The following NFIA variants were observed in gnomAD, a reference collection of about 807,000 sequenced individuals.
The protein encoded by NFIA is nuclear factor 1 A-type.
NFIA carries 8 observed loss-of-function variants against 62.8 expected under a neutral mutation model. The observed-to-expected ratio is 0.13, with a 90% CI of 0.07 to 0.23. The LOEUF is 0.23. Among genes scored for constraint, NFIA ranks in the 10% least tolerant of loss-of-function variants. The pLI is 1.00. For missense variants in NFIA, 410 were observed against 642.1 expected (o/e 0.64, Z 3.91); for synonymous variants, 235 against 238.1 (o/e 0.99, Z 0.12).
chr1:61,342,117 A>G (rs77103803), intron 4 of NFIA, among the ~76,000 whole-genome samples: 6,311 of 152,248 alleles, frequency 0.041, 439 homozygotes, highest in African/African-American at 0.14. Context: ...TAATATGAGT[A>G]CATGTTAATA....
intron 2 of NFIA, among the ~76,000 whole-genome samples, chr1:61,260,486 C>T (rs1656694661): frequency 6.6e-6 from 1 of 152,192 alleles, no homozygotes; most frequent in South Asian, 2.1e-4. Flanking sequence ...CTAGCACTCA[C>T]AGTAGTGCTT....
At chr1:61,252,745 A>G (rs1438858408) in intron 2 of NFIA, among the ~76,000 whole-genome samples, 1 of 152,234 alleles carries the variant, frequency 6.6e-6, no homozygotes, top group Non-Finnish European at 1.5e-5. Context: ...AGATTGGCCA[A>G]AGAATGTACA....
intron 2 of NFIA, among the ~76,000 whole-genome samples, chr1:61,238,730 A>G (rs1456021127): frequency 6.6e-6 from 1 of 152,172 alleles, no homozygotes; most frequent in African/African-American, 2.4e-5. Context: ...TCTCCACTAA[A>G]AATCAATAGC....
chr1:61,407,846 CAT>C (rs2100527636), intron 9 of NFIA, among the ~76,000 whole-genome samples: 1 of 152,240 alleles, frequency 6.6e-6, no homozygotes, highest in African/African-American at 2.4e-5. Context: ...GTTTTGTAGA[CAT>C]AAGCATCGGG....
intron 3 of NFIA, among the ~76,000 whole-genome samples, chr1:61,289,619 T>C (rs987172532): frequency 1.3e-5 from 2 of 152,256 alleles, no homozygotes; most frequent in Non-Finnish European, 2.9e-5. Context: ...CTTAAACTTT[T>C]ATTTTCTAAT....
intron 2 of NFIA, among the ~76,000 whole-genome samples, chr1:61,106,693 T>G (rs1175921964): frequency 1.3e-5 from 2 of 151,640 alleles, no homozygotes; most frequent in Non-Finnish European, 1.5e-5. Context: ...AATATAAATA[T>G]ATATGTAACT....
At chr1:61,133,335 G>A (rs1015414625) in intron 2 of NFIA, among the ~76,000 whole-genome samples, 5 of 151,756 alleles carry the variant, frequency 3.3e-5, no homozygotes, top group Non-Finnish European at 5.9e-5. Flanking sequence ...TTTATATGTG[G>A]TCTTAATTTT....
At chr1:61,169,682 C>T (rs748497180) in intron 2 of NFIA, among the ~76,000 whole-genome samples, 3 of 152,172 alleles carry the variant, frequency 2.0e-5, no homozygotes, top group Non-Finnish European at 4.4e-5. Flanking sequence ...CTGGGGAAAG[C>T]GAACGGTTTA....
At chr1:61,315,312 T>A (rs1002054751) in intron 3 of NFIA, among the ~76,000 whole-genome samples, 1 of 152,208 alleles carries the variant, frequency 6.6e-6, no homozygotes, top group Non-Finnish European at 1.5e-5. Context: ...ACAGTTAACA[T>A]CTGACAAGAA....
chr1:61,230,950 A>T (rs1348112722), intron 2 of NFIA, among the ~76,000 whole-genome samples: 2 of 152,172 alleles, frequency 1.3e-5, no homozygotes, highest in Non-Finnish European at 2.9e-5. Context: ...GATCACTTGG[A>T]AAACCATTCC....
At chr1:61,119,764 CTTA>C (rs1415539867) in intron 2 of NFIA, among the ~76,000 whole-genome samples, 3 of 152,064 alleles carry the variant, frequency 2.0e-5, no homozygotes, top group African/African-American at 7.2e-5. Context: ...TGAAGAAATA[CTTA>C]TTATGAGAGT....
chr1:61,399,069 A>G (rs369588260), intron 7 of NFIA, among the ~76,000 whole-genome samples: 15 of 152,316 alleles, frequency 9.8e-5, no homozygotes, highest in African/African-American at 3.4e-4. Flanking sequence ...TGAGTAGTCA[A>G]GAGTTCTTAA....
At chr1:61,309,354 C>CA (rs914920592) in intron 3 of NFIA, among the ~76,000 whole-genome samples, 12 of 152,036 alleles carry the variant, frequency 7.9e-5, no homozygotes, top group African/African-American at 2.9e-4. Flanking sequence ...ACACACTTTC[C>CA]AAAAAAGCCC....
intron 3 of NFIA, among the ~76,000 whole-genome samples, chr1:61,328,817 G>A (rs557183432): frequency 1.2e-4 from 18 of 148,710 alleles, no homozygotes; most frequent in South Asian, 4.3e-4. Flanking sequence ...TTGCCTCTTG[G>A]GTTCAAATGA....
intron 2 of NFIA, among the ~76,000 whole-genome samples, chr1:61,150,178 A>T (rs1216739720): frequency 6.6e-6 from 1 of 152,206 alleles, no homozygotes; most frequent in Non-Finnish European, 1.5e-5. Context: ...CCCGTGAGTT[A>T]TTCTCGCGGG....
At chr1:61,234,477 C>T (rs2100636382) in intron 2 of NFIA, among the ~76,000 whole-genome samples, 1 of 152,008 alleles carries the variant, frequency 6.6e-6, no homozygotes. Context: ...CGTCTGCCTC[C>T]TCTGTTCCGA....
chr1:61,185,031 C>T (rs1557621523), intron 2 of NFIA, among the ~76,000 whole-genome samples: 1 of 152,298 alleles, frequency 6.6e-6, no homozygotes, highest in East Asian at 1.9e-4. Flanking sequence ...GATTTAAACA[C>T]TTTTAAAAGG....
In NFIA at chr1:61,217,686, A is replaced by G. The variant is rs1005921888; in HGVS notation, c.560-59834A>G. ...TATGAAACATTTGCCTCACAGCCCC[A>G]TACATGATTAACCTTTACTTTGCAG... On this transcript the variant is annotated intron_variant, in intron 2 of 10. Transcript: ENST00000403491. Among the ~76,000 whole-genome samples, 7 of 152,182 alleles carry G rather than the reference A, an allele frequency of 4.6e-5. No individual in the cohort carries two copies. In the East Asian group the frequency reaches 1.3e-3, roughly 29 times the overall value.
chr1:61,184,114 GGA>G, intron 2 of NFIA, among the ~76,000 whole-genome samples: 1 of 132,576 alleles, frequency 7.5e-6, no homozygotes, highest in East Asian at 2.3e-4. Context: ...TATGGGGGGG[GGA>G]AAAAAAACCA....
Sources: allele counts gnomAD v4.1 joint callset (sites outside exome capture counted in the v4.1 genomes callset), GRCh38; gene constraint gnomAD v4.1.1; transcripts MANE v1.5; gene names NCBI Gene and HGNC (gene_info 2026-07-23, HGNC 2026-07-21).